ST6GALNAC5: variants seen among roughly 807,000 people sequenced by gnomAD.
ST6GALNAC5 encodes the protein alpha-N-acetylgalactosaminide alpha-2,6-sialyltransferase 5.
ST6GALNAC5 carries 27 observed loss-of-function variants against 33.6 expected under a neutral mutation model. The observed-to-expected ratio is 0.80, with a 90% CI of 0.59 to 1.11. ST6GALNAC5 has a LOEUF of 1.11. Ranked by LOEUF, ST6GALNAC5 falls within the 50% of genes least tolerant of loss-of-function variation. The probability of loss-of-function intolerance (pLI) is 0.00; values close to 1 mark genes in which losing one functional copy is unlikely to be tolerated. For missense variants in ST6GALNAC5, 428 were observed against 454.0 expected (o/e 0.94, Z 0.52); for synonymous variants, 194 against 171.2 (o/e 1.13, Z -1.04).
rs973993059 is a variant in ST6GALNAC5, at chr1:77,029,860, T to C, written c.262-14344T>C. On this transcript the variant is annotated intron_variant, in intron 2 of 4. Coordinates refer to ENST00000477717, the MANE Select transcript of ST6GALNAC5 (RefSeq NM_030965.3). Reference sequence around the variant, plus strand: ...CTAAATTATTGTTGAAGGTTCCAAATTGATTTTATACTTTCCTACCTAAGT... The same window carrying C: ...CTAAATTATTGTTGAAGGTTCCAAACTGATTTTATACTTTCCTACCTAAGT... 4.6e-5 allele frequency among the ~76,000 whole-genome samples: 7 copies of C among 152,328 alleles called. No homozygotes were observed. In the South Asian group the frequency reaches 1.0e-3, roughly 23 times the overall value.
At chr1:76,906,922 T>C (rs1215086847) in intron 2 of ST6GALNAC5, among the ~76,000 whole-genome samples, 1 of 152,158 alleles carries the variant, frequency 6.6e-6, no homozygotes, top group African/African-American at 2.4e-5. Flanking sequence ...TTTTTTCTAT[T>C]AATCATCGTT....
At chr1:76,989,294 C>A (rs1313347676) in intron 2 of ST6GALNAC5, among the ~76,000 whole-genome samples, 1 of 148,134 alleles carries the variant, frequency 6.8e-6, no homozygotes, top group Non-Finnish European at 1.5e-5. Context: ...TTTTTTTTTT[C>A]TTGGACTACA....
At chr1:76,929,845 T>C (rs1370566780) in intron 2 of ST6GALNAC5, among the ~76,000 whole-genome samples, 7 of 152,076 alleles carry the variant, frequency 4.6e-5, no homozygotes, top group Non-Finnish European at 8.8e-5. Context: ...GAGTAGGGGC[T>C]CATGCCTGTA....
chr1:76,916,114 T>C lies in ST6GALNAC5; in HGVS notation c.261+47372T>C, dbSNP rs779793852. Among the ~76,000 whole-genome samples, 34 of 152,244 alleles carry C rather than the reference T, an allele frequency of 2.2e-4. 1 individual carries two copies. Among genetic ancestry groups the C allele is most frequent in the Middle Eastern group, 3.4e-3 (1 of 294 alleles). On this transcript the variant is annotated intron_variant, in intron 2 of 4. Coordinates refer to ENST00000477717, the MANE Select transcript of ST6GALNAC5 (RefSeq NM_030965.3). ...TTAGGAAAAAAGTATCTTTTACCTT[T>C]AAACCAAGAAGGGTATCCAAATTTT...
chr1:77,055,446 T>A (rs530776572), intron 4 of ST6GALNAC5, among the ~76,000 whole-genome samples: 1 of 152,208 alleles, frequency 6.6e-6, no homozygotes, highest in Non-Finnish European at 1.5e-5. Context: ...GTGCTTAACA[T>A]GAACACATGC....
At chr1:76,971,386 C>T (rs757258640) in intron 2 of ST6GALNAC5, among the ~76,000 whole-genome samples, 5 of 151,974 alleles carry the variant, frequency 3.3e-5, no homozygotes, top group Admixed American at 6.6e-5. Context: ...AGCACACTTG[C>T]GTGGGATATT....
intron 2 of ST6GALNAC5, among the ~76,000 whole-genome samples, chr1:76,978,017 CTG>C (rs1557745259): frequency 2.0e-5 from 3 of 152,152 alleles, no homozygotes; most frequent in African/African-American, 7.2e-5. Flanking sequence ...AACAGCCGTT[CTG>C]ACTAGGGTGA....
intron 4 of ST6GALNAC5, among the ~76,000 whole-genome samples, chr1:77,057,115 C>T (rs1256123361): frequency 6.6e-6 from 1 of 152,128 alleles, no homozygotes; most frequent in Non-Finnish European, 1.5e-5. Flanking sequence ...TTCCTGAGTA[C>T]CTACTATATG....
intron 3 of ST6GALNAC5, among the ~76,000 whole-genome samples, chr1:77,047,700 T>G (rs935713816): frequency 2.0e-5 from 3 of 152,206 alleles, no homozygotes; most frequent in African/African-American, 7.2e-5. Flanking sequence ...AGAACCAATA[T>G]TATAGTAATT....
At chr1:76,974,264 T>C (rs1648902646) in intron 2 of ST6GALNAC5, among the ~76,000 whole-genome samples, 1 of 149,284 alleles carries the variant, frequency 6.7e-6, no homozygotes, top group South Asian at 2.2e-4. Context: ...CCAGGCTGGA[T>C]TGCAATGGTG....
At chr1:76,890,115 G>A (rs1261759815) in intron 2 of ST6GALNAC5, among the ~76,000 whole-genome samples, 2 of 152,072 alleles carry the variant, frequency 1.3e-5, no homozygotes, top group Non-Finnish European at 2.9e-5. Flanking sequence ...TTCAAAGAAA[G>A]ATTACATTTG....
At chr1:76,970,129 A>C (rs1396830150) in intron 2 of ST6GALNAC5, among the ~76,000 whole-genome samples, 1 of 152,068 alleles carries the variant, frequency 6.6e-6, no homozygotes, top group Non-Finnish European at 1.5e-5. Context: ...AACTCTGAAA[A>C]CCAGAGTGCT....
At chr1:76,970,390 C>T (rs1303505745) in intron 2 of ST6GALNAC5, among the ~76,000 whole-genome samples, 6 of 151,596 alleles carry the variant, frequency 4.0e-5, no homozygotes, top group African/African-American at 9.7e-5. Context: ...AACCATGGCA[C>T]GAGAACTACA....
intron 2 of ST6GALNAC5, among the ~76,000 whole-genome samples, chr1:76,953,182 A>C (rs1647821796): frequency 6.6e-6 from 1 of 152,110 alleles, no homozygotes; most frequent in Non-Finnish European, 1.5e-5. Context: ...TGCGAATATA[A>C]CTTTTCATTT....
chr1:76,998,415 AAAAG>A (rs1650020077), intron 2 of ST6GALNAC5, among the ~76,000 whole-genome samples: 1 of 152,180 alleles, frequency 6.6e-6, no homozygotes, highest in Admixed American at 6.5e-5. Context: ...GAAATTAAAA[AAAAG>A]AAAGACTCCA....
intron 2 of ST6GALNAC5, among the ~76,000 whole-genome samples, chr1:77,033,513 G>A (rs1651537963): frequency 6.6e-6 from 1 of 152,206 alleles, no homozygotes. Flanking sequence ...GCCTCTTGGG[G>A]CTGTCTTCAG....
intron 2 of ST6GALNAC5, among the ~76,000 whole-genome samples, chr1:76,981,083 G>A (rs1280532035): frequency 6.6e-6 from 1 of 152,210 alleles, no homozygotes; most frequent in Non-Finnish European, 1.5e-5. Flanking sequence ...CAACACAGAA[G>A]ACAGGTGATT....
chr1:76,927,938 T>C (rs767512602), intron 2 of ST6GALNAC5, among the ~76,000 whole-genome samples: 4 of 152,186 alleles, frequency 2.6e-5, no homozygotes, highest in Non-Finnish European at 5.9e-5. Flanking sequence ...TTAATGCTGC[T>C]TTCCAGAAGA....
Position 77,029,756 on chromosome 1 carries a change from G to A in ST6GALNAC5, c.262-14448G>A, listed in dbSNP as rs1304614137. Among the ~76,000 whole-genome samples the A allele has an allele frequency of 6.6e-5, 10 of 152,346 alleles. No individual in the cohort carries two copies. In the East Asian group the frequency reaches 1.7e-3, roughly 26 times the overall value. ...GTCTGACACCTCATTTTGAAGCCTG[G>A]TTGAGAAATGAGTTTTACGAGCAAA... On this transcript the variant is annotated intron_variant, in intron 2 of 4. Transcript: ENST00000477717.
Sources: gnomAD v4.1 joint callset for allele counts (sites outside exome capture counted in the v4.1 genomes callset) on GRCh38, gnomAD v4.1.1 for gene constraint, MANE v1.5 for transcripts, NCBI Gene and HGNC (gene_info 2026-07-23, HGNC 2026-07-21) for gene names.